The following IMPG1 variants were observed in gnomAD, a reference collection of about 807,000 sequenced individuals.
IMPG1 encodes the protein interphotoreceptor matrix proteoglycan of 150 kDa.
Under a neutral mutation model 92.0 loss-of-function variants are expected in IMPG1, and 85 were observed. That is an observed-to-expected ratio of 0.92 (90% CI 0.78 to 1.11). The LOEUF (loss-of-function observed/expected upper bound fraction) is 1.11, where lower values mean the gene tolerates loss of function less well. Among genes scored for constraint, IMPG1 ranks in the 50% least tolerant of loss-of-function variants. The pLI is 0.00. For synonymous variants in IMPG1, 367 were observed against 334.1 expected, an observed-to-expected ratio of 1.10 and a Z score of -1.08; for missense variants, 1,022 against 956.0, an observed-to-expected ratio of 1.07 and a Z score of -0.91.
chr6:75,954,826 C>T (rs1171313568), intron 12 of IMPG1, among the ~76,000 whole-genome samples: 1 of 152,194 alleles, frequency 6.6e-6, no homozygotes, highest in African/African-American at 2.4e-5. Context: ...CAGTCTTCTG[C>T]ATATGGCTAG....
In IMPG1 at chr6:76,072,403, A is replaced by G. The variant is rs369186602; in HGVS notation, c.67+19T>C. The G allele has an allele frequency of 1.3e-4, 170 of 1,355,216 alleles. 3 individuals are homozygous for G. The highest frequency in any genetic ancestry group is 1.8e-4 in the Middle Eastern group (1 of 5,476). 83.9% of individuals were successfully genotyped at this position (1,355,216 alleles called of 1,614,324 possible). On this transcript the variant is annotated intron_variant, in intron 1 of 16. Coordinates refer to ENST00000369950, the MANE Select transcript of IMPG1 (RefSeq NM_001563.4). Reference sequence around the variant, plus strand: ...TTTTATAGATAAGCAATTTAAAAGTAAACATTTAAGTAACTTACCTTTGGT... The same window carrying G: ...TTTTATAGATAAGCAATTTAAAAGTGAACATTTAAGTAACTTACCTTTGGT...
chr6:76,061,427 G>A (rs1041368884), intron 1 of IMPG1, among the ~76,000 whole-genome samples: 1 of 152,122 alleles, frequency 6.6e-6, no homozygotes, highest in African/African-American at 2.4e-5. Flanking sequence ...GCTATCTCAG[G>A]TATGTTCTCT....
chr6:76,012,107 TTCTAA>T (rs1411351681), intron 7 of IMPG1, among the ~76,000 whole-genome samples: 1 of 152,176 alleles, frequency 6.6e-6, no homozygotes, highest in Non-Finnish European at 1.5e-5. Flanking sequence ...TAGAAATAGA[TTCTAA>T]TCTAATAGAT....
chr6:75,928,027 A>T (rs1470395361), intron 15 of IMPG1, among the ~76,000 whole-genome samples: 1 of 152,186 alleles, frequency 6.6e-6, no homozygotes. Context: ...CACTAAAGAA[A>T]GAGAAATGTT....
chr6:76,012,445 A>G (rs989731952), intron 7 of IMPG1, among the ~76,000 whole-genome samples: 2 of 152,204 alleles, frequency 1.3e-5, no homozygotes, highest in African/African-American at 2.4e-5. Context: ...TTCCATCTTC[A>G]GCCTCCTGCT....
intron 12 of IMPG1, among the ~76,000 whole-genome samples, chr6:75,975,458 C>T (rs1414680893): frequency 2.0e-5 from 3 of 152,158 alleles, no homozygotes; most frequent in Non-Finnish European, 4.4e-5. Flanking sequence ...TTGAGTATCA[C>T]CTAGCATACC....
rs893213442 is a variant in IMPG1 at position 76,046,360 on chromosome 6, C to A, written c.68-4234G>T. 7.1e-4 allele frequency among the ~76,000 whole-genome samples: 108 copies of A among 152,092 alleles called. 1 individual carries two copies. The highest frequency in any genetic ancestry group is 2.2e-3 in the African/African-American group (92 of 41,498). The stretch of plus-strand genomic sequence containing the variant: ...ATAGATTAAACACTAGGAAAACAAC[C>A]TTTAAGCCAATAGGTTTTGGAAATA... On this transcript the variant is annotated intron_variant, in intron 1 of 16. Transcript: ENST00000369950.
At chr6:75,940,039 T>C (rs989247295) in intron 14 of IMPG1, among the ~76,000 whole-genome samples, 2 of 152,244 alleles carry the variant, frequency 1.3e-5, no homozygotes, top group African/African-American at 4.8e-5. Flanking sequence ...CTCCCTCTTC[T>C]GCTCTTCTGT....
chr6:75,922,713 T>G (rs1231552490), intron 16 of IMPG1, among the ~76,000 whole-genome samples: 1 of 152,224 alleles, frequency 6.6e-6, no homozygotes, highest in African/African-American at 2.4e-5. Context: ...CTGTGTCCTA[T>G]TGTCATTTTA....
intron 1 of IMPG1, among the ~76,000 whole-genome samples, chr6:76,044,607 T>G (rs1783904151): frequency 6.6e-6 from 1 of 152,226 alleles, no homozygotes; most frequent in African/African-American, 2.4e-5. Context: ...TACTCTACCC[T>G]GGCTCTGGGA....
intron 13 of IMPG1, among the ~76,000 whole-genome samples, chr6:75,948,012 C>CT (rs1275986020): frequency 6.6e-6 from 1 of 152,236 alleles, no homozygotes; most frequent in Non-Finnish European, 1.5e-5. Context: ...GCATGTCTCT[C>CT]TACGCAGTAA....
intron 1 of IMPG1, among the ~76,000 whole-genome samples, chr6:76,070,054 G>T (rs1784380348): frequency 6.6e-6 from 1 of 152,094 alleles, no homozygotes; most frequent in Non-Finnish European, 1.5e-5. Flanking sequence ...CTGCATGATG[G>T]GGTCAATTGT....
intron 4 of IMPG1, among the ~76,000 whole-genome samples, chr6:76,031,864 C>A (rs1310372151): frequency 2.0e-5 from 3 of 152,172 alleles, no homozygotes; most frequent in African/African-American, 7.2e-5. Context: ...ATGACGTTTT[C>A]TTGTCCTTTA....
intron 7 of IMPG1, among the ~76,000 whole-genome samples, chr6:76,011,817 T>A: frequency 6.9e-6 from 1 of 144,672 alleles, no homozygotes. Context: ...TTCCCACCTA[T>A]GAGTGAGAAT....
At chr6:75,978,922 G>C (rs1582081816) in intron 12 of IMPG1, among the ~76,000 whole-genome samples, 1 of 152,054 alleles carries the variant, frequency 6.6e-6, no homozygotes, top group Admixed American at 6.5e-5. Context: ...CTTTTTTGGG[G>C]GGTGGGGAGG....
chr6:75,934,239 G>A (rs1435542815), intron 14 of IMPG1, among the ~76,000 whole-genome samples: 4 of 152,196 alleles, frequency 2.6e-5, no homozygotes, highest in African/African-American at 9.6e-5. Flanking sequence ...AATGTTTCTT[G>A]TAGAAAGTAC....
intron 2 of IMPG1, among the ~76,000 whole-genome samples, chr6:76,035,793 G>A (rs1783733684): frequency 6.6e-6 from 1 of 152,092 alleles, no homozygotes; most frequent in Non-Finnish European, 1.5e-5. Context: ...ATTGTGGCAC[G>A]GTGCCTCTAG....
chr6:76,023,426 A>G (rs1288348936), intron 5 of IMPG1, among the ~76,000 whole-genome samples: 1 of 152,238 alleles, frequency 6.6e-6, no homozygotes, highest in South Asian at 2.1e-4. Context: ...TTATTTGGCT[A>G]TCCTTCCATT....
chr6:75,924,603 TTAATTA>T (rs1781501129), intron 15 of IMPG1, among the ~76,000 whole-genome samples: 9 of 34,698 alleles, frequency 2.6e-4, no homozygotes, highest in African/African-American at 9.8e-4. Context: ...TTATATATAA[TTAATTA>T]TATATAATAT....
Sources: gnomAD v4.1 joint callset for allele counts (sites outside exome capture counted in the v4.1 genomes callset) on GRCh38, gnomAD v4.1.1 for gene constraint, MANE v1.5 for transcripts, NCBI Gene and HGNC (gene_info 2026-07-23, HGNC 2026-07-21) for gene names.